Variants in PTPRD observed in about 807,000 individuals in gnomAD.
The protein encoded by PTPRD is receptor-type tyrosine-protein phosphatase delta.
PTPRD carries 34 observed loss-of-function variants against 214.5 expected under a neutral mutation model. The observed-to-expected ratio is 0.16, with a 90% CI of 0.12 to 0.21. The LOEUF is 0.21. Ranked by LOEUF, PTPRD falls within the 10% of genes least tolerant of loss-of-function variation. The probability of loss-of-function intolerance (pLI) is 1.00; values close to 1 mark genes in which losing one functional copy is unlikely to be tolerated. For missense variants in PTPRD, 2,545 were observed against 2,398.7 expected (o/e 1.06, Z -1.27); for synonymous variants, 1,128 against 845.7 (o/e 1.33, Z -5.79).
intron 4 of PTPRD, among the ~76,000 whole-genome samples, chr9:10,024,208 T>A (rs1010731518): frequency 3.3e-5 from 5 of 152,136 alleles, no homozygotes; most frequent in African/African-American, 1.2e-4. Context: ...GGTTACAGTA[T>A]TAGTATTTTA....
At chr9:8,674,267 G>A (rs1596590423) in intron 12 of PTPRD, among the ~76,000 whole-genome samples, 1 of 151,976 alleles carries the variant, frequency 6.6e-6, no homozygotes, top group East Asian at 1.9e-4. Context: ...AGACCATCCT[G>A]GCCAACATGG....
At chr9:9,627,104 A>C (rs940003921) in intron 7 of PTPRD, among the ~76,000 whole-genome samples, 2 of 152,186 alleles carry the variant, frequency 1.3e-5, no homozygotes, top group East Asian at 1.9e-4. Context: ...ACTTGAGGTC[A>C]GGAGTTCGAG....
At chr9:10,098,544 C>T (rs991587438) in intron 3 of PTPRD, among the ~76,000 whole-genome samples, 8 of 151,694 alleles carry the variant, frequency 5.3e-5, no homozygotes, top group African/African-American at 1.9e-4. Flanking sequence ...TTCTTTCCTA[C>T]TTGAGCGCAC....
chr9:10,424,638 T>A (rs1470688547), intron 2 of PTPRD, among the ~76,000 whole-genome samples: 4 of 151,892 alleles, frequency 2.6e-5, no homozygotes, highest in African/African-American at 9.7e-5. Flanking sequence ...CAGGGATGTA[T>A]GTAATGCAAC....
At chr9:10,145,605 G>C (rs2099016746) in intron 3 of PTPRD, among the ~76,000 whole-genome samples, 1 of 152,068 alleles carries the variant, frequency 6.6e-6, no homozygotes, top group South Asian at 2.1e-4. Flanking sequence ...CTAGTCAATA[G>C]TAACCCATTA....
At chr9:10,076,259 C>T (rs1167236717) in intron 3 of PTPRD, among the ~76,000 whole-genome samples, 1 of 152,098 alleles carries the variant, frequency 6.6e-6, no homozygotes, top group African/African-American at 2.4e-5. Flanking sequence ...ATGCTGCAAG[C>T]TATCTTCTTG....
chr9:10,316,306 T>C (rs1320261511), intron 3 of PTPRD, among the ~76,000 whole-genome samples: 1 of 151,686 alleles, frequency 6.6e-6, no homozygotes, highest in African/African-American at 2.4e-5. Flanking sequence ...CTACTATAAA[T>C]GTAAAGGTCC....
At chr9:9,656,432 A>G (rs2096515985) in intron 7 of PTPRD, among the ~76,000 whole-genome samples, 1 of 152,228 alleles carries the variant, frequency 6.6e-6, no homozygotes. Context: ...CAGTGCTAAA[A>G]AGAAATGATC....
chr9:8,818,188 A>G (rs551355557), intron 11 of PTPRD, among the ~76,000 whole-genome samples: 296 of 149,978 alleles, frequency 2.0e-3, no homozygotes, highest in Non-Finnish European at 3.3e-3. Context: ...GCTTTGGAAA[A>G]TATCACTTTA....
intron 2 of PTPRD, among the ~76,000 whole-genome samples, chr9:10,504,042 G>A (rs12353230): frequency 0.3 from 43,231 of 143,306 alleles, 6,572 homozygotes; most frequent in South Asian, 0.45. Context: ...CGTGAACCCG[G>A]GAGGCAGAGC....
At chr9:8,385,809 G>T (rs2086804663) in intron 37 of PTPRD, among the ~76,000 whole-genome samples, 1 of 152,128 alleles carries the variant, frequency 6.6e-6, no homozygotes, top group Non-Finnish European at 1.5e-5. Flanking sequence ...TGTCCTGGGG[G>T]AGAGCAAGTA....
In PTPRD at chr9:8,658,710, CTCCTTTTTTTG is replaced by C. The variant is rs1321847770; in HGVS notation, c.65-21877_65-21867del. ...AAAAGGTGAAGACAAGTCAGAAATT[CTCCTTTTTTTG>C]TCCTTTTTTTGTATCTAGATGGAAA... On this transcript the variant is annotated intron_variant, in intron 12 of 45. Transcript: ENST00000381196. Among the ~76,000 whole-genome samples the C allele has an allele frequency of 6.1e-5, 9 of 148,464 alleles. No individual in the cohort carries two copies. The East Asian group carries it at 1.2e-3, about 20-fold the overall frequency.
intron 2 of PTPRD, among the ~76,000 whole-genome samples, chr9:10,584,569 C>T (rs34876991): frequency 0.06 from 9,096 of 152,210 alleles, 359 homozygotes; most frequent in Non-Finnish European, 0.086. Flanking sequence ...TAATGGTAGA[C>T]TTCTTTACAT....
At chr9:10,448,781 A>G (rs1356552487) in intron 2 of PTPRD, among the ~76,000 whole-genome samples, 2 of 151,980 alleles carry the variant, frequency 1.3e-5, no homozygotes, top group Non-Finnish European at 2.9e-5. Flanking sequence ...GCTCTGTCCA[A>G]CGCATCAAAT....
chr9:10,248,693 T>C (rs1054756789), intron 3 of PTPRD, among the ~76,000 whole-genome samples: 1 of 152,040 alleles, frequency 6.6e-6, no homozygotes, highest in African/African-American at 2.4e-5. Flanking sequence ...AGATGTGAGT[T>C]CTTTAGAATA....
chr9:8,775,266 G>C (rs1215228925), intron 11 of PTPRD, among the ~76,000 whole-genome samples: 1 of 152,052 alleles, frequency 6.6e-6, no homozygotes, highest in African/African-American at 2.4e-5. Context: ...TTTAAGCTTT[G>C]TTTACTTTCT....
At chr9:8,782,851 C>T (rs955254896) in intron 11 of PTPRD, among the ~76,000 whole-genome samples, 11 of 152,136 alleles carry the variant, frequency 7.2e-5, no homozygotes, top group Admixed American at 1.3e-4. Flanking sequence ...TCCTTGGCCC[C>T]CCGCAAAGGG....
intron 8 of PTPRD, among the ~76,000 whole-genome samples, chr9:9,493,376 G>A (rs2096009661): frequency 6.6e-6 from 1 of 152,156 alleles, no homozygotes; most frequent in African/African-American, 2.4e-5. Context: ...AGTCTACTAA[G>A]AGCTCTGATG....
At chr9:9,684,943 G>T (rs894361541) in intron 7 of PTPRD, among the ~76,000 whole-genome samples, 1 of 151,516 alleles carries the variant, frequency 6.6e-6, no homozygotes, top group Non-Finnish European at 1.5e-5. Flanking sequence ...AATAAGAATA[G>T]ATTATACATC....
Sources: allele counts gnomAD v4.1 joint callset (sites outside exome capture counted in the v4.1 genomes callset), GRCh38; gene constraint gnomAD v4.1.1; transcripts MANE v1.5; gene names NCBI Gene and HGNC (gene_info 2026-07-23, HGNC 2026-07-21).